CTDSP1: variants seen among roughly 807,000 people sequenced by gnomAD.
The protein encoded by CTDSP1 is CTD small phosphatase 1, also known as carboxy-terminal domain RNA polymerase II polypeptide A small phosphatase 1.
CTDSP1 carries 15 observed loss-of-function variants against 32.5 expected under a neutral mutation model. The ratio of observed to expected loss-of-function variants is 0.46; its 90% confidence interval spans 0.31 to 0.71. The LOEUF is 0.71. CTDSP1 is among the 30% of genes least tolerant of loss of function. The pLI is 0.05. For synonymous variants in CTDSP1, 185 were observed against 145.4 expected, an observed-to-expected ratio of 1.27 and a Z score of -1.96; for missense variants, 294 against 351.1, an observed-to-expected ratio of 0.84 and a Z score of 1.30.
intron 1 of CTDSP1, 124 bp from the exon 2 acceptor site, chr2:218,401,440 C>T: frequency 9.9e-6 from 11 of 1,111,902 alleles, no homozygotes; most frequent in East Asian, 2.4e-5. Flanking sequence ...GAGCTGCCTT[C>T]GTGTGTCTGG....
intron 4 of CTDSP1, 183 bp from the exon 5 acceptor site, chr2:218,402,852 C>G (rs1014492104): frequency 1.5e-6 from 1 of 660,568 alleles, no homozygotes; most frequent in Admixed American, 2.2e-5. Flanking sequence ...AAGTTTTGAT[C>G]GTTTTCTGGC....
chr2:218,397,785 T>A (rs73073095), upstream of CTDSP1, among the ~76,000 whole-genome samples: 4,272 of 152,208 alleles, frequency 0.028, 190 homozygotes, highest in African/African-American at 0.097. Context: ...GGCCTCTCGC[T>A]CACTCCGTAA....
chr2:218,400,966 G>A (rs1188163562), intron 1 of CTDSP1: 1 of 450,236 alleles, frequency 2.2e-6, no homozygotes, highest in Non-Finnish European at 4.4e-6. Context: ...TAGTTGCAGG[G>A]GGCCGGAGGG....
At chr2:218,396,469 A>AT (rs1696775752), upstream of CTDSP1, 1 of 152,366 alleles carries the variant, frequency 6.6e-6, no homozygotes. Context: ...AGAACCCCCG[A>AT]TTTCCTGGGG....
chr2:218,398,370 G>C, upstream of CTDSP1: 1 of 1,525,806 alleles, frequency 6.6e-7, no homozygotes, highest in Non-Finnish European at 8.8e-7. Flanking sequence ...AGCAGGCCTA[G>C]GAAAACGCCA....
chr2:218,400,150 G>A lies in CTDSP1; in HGVS notation c.60G>A (p.Arg20=), dbSNP rs1386281088. The A allele has an allele frequency of 1.3e-6, 2 of 1,545,558 alleles. No individual in the cohort carries two copies. The highest frequency in any genetic ancestry group is 1.2e-5 in the South Asian group (1 of 83,686). ...ISKEEARGPL[R]GKGDQKSAAS... Reference sequence around the variant, plus strand: ...AGGAGGAGGCTCGGGGCCCGCTGCGGGGCAAAGGTACCGGGGCTGCGGGGA... The same window carrying A: ...AGGAGGAGGCTCGGGGCCCGCTGCGAGGCAAAGGTACCGGGGCTGCGGGGA... Residue 20 remains arginine (R), a synonymous_variant, in exon 1 of 7, where the codon CGG becomes CGA. Coordinates refer to ENST00000273062, the MANE Select transcript of CTDSP1 (RefSeq NM_021198.3).
At chr2:218,397,764 C>G (rs566247660), upstream of CTDSP1, among the ~76,000 whole-genome samples, 5 of 152,298 alleles carry the variant, frequency 3.3e-5, no homozygotes, top group African/African-American at 7.2e-5. Flanking sequence ...CCCCTCCCCC[C>G]ACGCAATCCT....
intron 4 of CTDSP1, 82 bp downstream of exon 4, chr2:218,402,487 G>A: frequency 7.3e-7 from 1 of 1,378,186 alleles, no homozygotes; most frequent in Non-Finnish European, 1.0e-6. Context: ...GAGCGCCTCG[G>A]ATGGGAATTG....
upstream of CTDSP1, among the ~76,000 whole-genome samples, chr2:218,397,648 AATG>A (rs1696886984): frequency 6.6e-6 from 1 of 152,124 alleles, no homozygotes; most frequent in Non-Finnish European, 1.5e-5. Flanking sequence ...CTGGGGTGCG[AATG>A]ATAAAACAGA....
intron 1 of CTDSP1, 191 bp from the exon 2 acceptor site, chr2:218,401,373 G>A: frequency 1.6e-6 from 1 of 621,362 alleles, no homozygotes. Context: ...TCTGGGAGCT[G>A]CAGGAGCCTT....
At chr2:218,399,403 T>G (rs1696979421), upstream of CTDSP1, 1 of 152,414 alleles carries the variant, frequency 6.6e-6, no homozygotes, top group African/African-American at 2.4e-5. Context: ...GAGCCTTCGC[T>G]GGCTCTTGAC....
rs1253136586 is a variant in CTDSP1 at position 218,402,399 on chromosome 2, C to T, written c.372C>T (p.Val124=). The change falls in exon 4 of 7, where the codon GTC becomes GTT. Residue 124 remains valine, a synonymous_variant. Transcript: ENST00000273062. ...FIIPVEIDGV[V]HQVYVLKRPH... is the part of the protein sequence containing the mutation. The stretch of plus-strand genomic sequence containing the variant: ...TCCCTGTGGAGATTGATGGGGTGGT[C>T]CACCAGGTGAGGGCCAGGAAGAGGC... The T allele has an allele frequency of 1.2e-6, 2 of 1,608,524 alleles. No individual in the cohort carries two copies. The highest frequency in any genetic ancestry group is 1.7e-5 in the Admixed American group (1 of 59,632).
At chr2:218,398,126 T>C (rs1574789435), upstream of CTDSP1, 1 of 467,252 alleles carries the variant, frequency 2.1e-6, no homozygotes, top group Non-Finnish European at 3.9e-6. Context: ...CGCCACACGC[T>C]TCCTTTTGGG....
Position 218,400,066 on chromosome 2 carries a change from G to C in CTDSP1, c.-25G>C. 3 of 1,413,008 alleles carry C rather than the reference G, an allele frequency of 2.1e-6. No individual in the cohort carries two copies. The highest frequency in any genetic ancestry group is 2.8e-6 in the Non-Finnish European group (3 of 1,081,034). The allele number at this position is 1,413,008 out of a possible 1,614,324, so 87.5% of individuals were successfully genotyped here. A position where few individuals can be genotyped will look rare whatever the true frequency, so the allele number is the denominator to read the frequency against. ...GGCCGGGCGCCCGGGCCAGAGTCCG[G>C]CCGGAGCGGAGCGCGCCCGGCCCCA... On this transcript the variant is annotated 5_prime_UTR_variant, in exon 1 of 7. Transcript: ENST00000273062.
Position 218,400,615 on chromosome 2 carries a change from G to T in CTDSP1, c.67+458G>T, listed in dbSNP as rs995368803. Reference sequence around the variant, plus strand: ...GGCGCCGAGGTGACAGCAGGCTGGGGAGGCTTGGAGGGATCTCCCGCCAAC... The same window carrying T: ...GGCGCCGAGGTGACAGCAGGCTGGGTAGGCTTGGAGGGATCTCCCGCCAAC... On this transcript the variant is annotated intron_variant, in intron 1 of 6. Transcript: ENST00000273062. The T allele has an allele frequency of 9.1e-5, 36 of 395,908 alleles. 1 individual carries two copies. The Admixed American group carries it at 1.0e-3, about 11-fold the overall frequency. 24.5% of individuals were successfully genotyped at this position (395,908 alleles called of 1,614,324 possible). A position where few individuals can be genotyped will look rare whatever the true frequency, so the allele number is the denominator to read the frequency against.
upstream of CTDSP1, among the ~76,000 whole-genome samples, chr2:218,397,097 C>T (rs1047093600): frequency 1.3e-5 from 2 of 152,072 alleles, no homozygotes; most frequent in Non-Finnish European, 2.9e-5. Context: ...GCACATCTGC[C>T]AAGACCTGAA....
upstream of CTDSP1, chr2:218,399,747 T>G (rs913695694): frequency 6.9e-6 from 7 of 1,019,880 alleles, no homozygotes; most frequent in East Asian, 5.9e-4. Flanking sequence ...CCGGCCCGCC[T>G]CCCAGTCCGC....
chr2:218,401,043 A>G (rs1697110026), intron 1 of CTDSP1: 1 of 418,752 alleles, frequency 2.4e-6, no homozygotes, highest in Non-Finnish European at 4.9e-6. Context: ...TGGGCGGGGC[A>G]GGGCAAACAG....
intron 1 of CTDSP1, 112 bp from the exon 2 acceptor site, chr2:218,401,452 T>C (rs781429007): frequency 1.0e-5 from 13 of 1,276,884 alleles, no homozygotes; most frequent in Non-Finnish European, 1.4e-5. Context: ...TGTGTCTGGA[T>C]GAAGGGGCCA....
Sources: allele counts gnomAD v4.1 joint callset (sites outside exome capture counted in the v4.1 genomes callset), GRCh38; gene constraint gnomAD v4.1.1; transcripts MANE v1.5; gene names NCBI Gene and HGNC (gene_info 2026-07-23, HGNC 2026-07-21).